TMCC3: variants seen among roughly 807,000 people sequenced by gnomAD.
TMCC3 encodes transmembrane and coiled-coil domain protein 3.
In TMCC3, 28 loss-of-function variants were observed where a neutral mutation model predicts 40.2. That is an observed-to-expected ratio of 0.70 (90% confidence interval 0.52 to 0.95). The LOEUF (loss-of-function observed/expected upper bound fraction) is 0.95, where lower values mean the gene tolerates loss of function less well. TMCC3 is among the 40% of genes least tolerant of loss of function. The pLI, the probability that TMCC3 is intolerant of heterozygous loss-of-function variation, is 0.00. For synonymous variants in TMCC3, 255 were observed against 248.5 expected, an observed-to-expected ratio of 1.03 and a Z score of -0.25; for missense variants, 554 against 615.2, an observed-to-expected ratio of 0.90 and a Z score of 1.05.
chr12:94,587,451 CAG>C (rs1454404070), intron 1 of TMCC3, among the ~76,000 whole-genome samples: 4 of 152,202 alleles, frequency 2.6e-5, no homozygotes, highest in African/African-American at 9.7e-5. Flanking sequence ...GCTCCGGAAA[CAG>C]ACTGCTTTGG....
intron 3 of TMCC3, among the ~76,000 whole-genome samples, chr12:94,576,069 C>T (rs1161147235): frequency 6.6e-6 from 1 of 152,198 alleles, no homozygotes; most frequent in Non-Finnish European, 1.5e-5. Flanking sequence ...TGAGCCACTG[C>T]ACTCGGCCCA....
chr12:94,622,605 C>T (rs1455610786), intron 1 of TMCC3, among the ~76,000 whole-genome samples: 4 of 152,062 alleles, frequency 2.6e-5, no homozygotes, highest in Admixed American at 2.6e-4. Flanking sequence ...CTCAGGAAAC[C>T]TTTCTAGTCC....
intron 1 of TMCC3, among the ~76,000 whole-genome samples, chr12:94,617,267 C>T (rs767635131): frequency 7.2e-5 from 11 of 152,218 alleles, no homozygotes; most frequent in Non-Finnish European, 1.6e-4. Context: ...GGAAACAGCA[C>T]TGGAGCCCAT....
intron 1 of TMCC3, among the ~76,000 whole-genome samples, chr12:94,636,684 G>T (rs1451885238): frequency 6.6e-6 from 1 of 152,234 alleles, no homozygotes; most frequent in African/African-American, 2.4e-5. Context: ...GGATCTAGAA[G>T]TAAAAGACAA....
chr12:94,571,379 CAG>C lies in TMCC3; in HGVS notation c.*54_*55del. The C allele has an allele frequency of 2.6e-6, 4 of 1,568,432 alleles. No individual in the cohort carries two copies. Among genetic ancestry groups the C allele is most frequent in the Non-Finnish European group, 2.6e-6 (3 of 1,153,204 alleles). On this transcript the variant is annotated 3_prime_UTR_variant, in exon 4 of 4. Transcript: ENST00000261226. Reference sequence around the variant, plus strand: ...TCACTGTAAAATTTGGTAGTATGCACAGAGTTTTCTTTAAAATAAAAACTTGA... The same window carrying C: ...TCACTGTAAAATTTGGTAGTATGCACAGTTTTCTTTAAAATAAAAACTTGA...
intron 1 of TMCC3, among the ~76,000 whole-genome samples, chr12:94,598,184 C>G (rs968476490): frequency 6.6e-6 from 1 of 152,200 alleles, no homozygotes; most frequent in Non-Finnish European, 1.5e-5. Flanking sequence ...AGAAAAGTGA[C>G]TTACTAGGAC....
chr12:94,644,140 C>T (rs998334233), intron 1 of TMCC3, among the ~76,000 whole-genome samples: 3 of 152,168 alleles, frequency 2.0e-5, no homozygotes, highest in African/African-American at 7.2e-5. Context: ...TCAGGCAGCA[C>T]CCCTCCCAAG....
rs186457251 is a variant in TMCC3, at chr12:94,631,105, A to T, written c.78+19248T>A. On this transcript the variant is annotated intron_variant, in intron 1 of 3. Transcript: ENST00000261226. Reference sequence around the variant, plus strand: ...ACATGTCAAAAAATATATTTTTATAACATTGATGGTTTTACTTCTGAAACA... The same window carrying T: ...ACATGTCAAAAAATATATTTTTATATCATTGATGGTTTTACTTCTGAAACA... Among the ~76,000 whole-genome samples the T allele has an allele frequency of 1.8e-3, 275 of 152,342 alleles. 3 individuals carry two copies. Among genetic ancestry groups the T allele is most frequent in the African/African-American group, 6.3e-3 (264 of 41,582 alleles).
intron 1 of TMCC3, among the ~76,000 whole-genome samples, chr12:94,637,988 G>A (rs751660798): frequency 2.6e-5 from 4 of 152,190 alleles, no homozygotes; most frequent in Non-Finnish European, 5.9e-5. Context: ...GTACCCACAG[G>A]CACAGAGGGA....
intron 1 of TMCC3, among the ~76,000 whole-genome samples, chr12:94,583,860 C>T (rs2068622020): frequency 6.6e-6 from 1 of 152,208 alleles, no homozygotes; most frequent in African/African-American, 2.4e-5. Flanking sequence ...TGAAAAACAG[C>T]TCTTTGTAGA....
chr12:94,591,075 C>A, intron 1 of TMCC3: 1 of 509,632 alleles, frequency 2.0e-6, no homozygotes, highest in South Asian at 1.5e-5. Flanking sequence ...TTCCAATGCT[C>A]TTTGTCCTGG....
intron 1 of TMCC3, among the ~76,000 whole-genome samples, chr12:94,634,919 AT>A (rs1191771447): frequency 6.6e-6 from 1 of 152,262 alleles, no homozygotes; most frequent in Non-Finnish European, 1.5e-5. Flanking sequence ...ATGAAAGCAC[AT>A]GTAAATAGCA....
In TMCC3 at chr12:94,567,209, T is replaced by A. The variant is rs551900028; in HGVS notation, c.*4226A>T. On this transcript the variant is annotated 3_prime_UTR_variant, in exon 4 of 4. Coordinates refer to ENST00000261226, the MANE Select transcript of TMCC3 (RefSeq NM_020698.4). ...AAAAATAATGGCACCTGCTTTGGAT[T>A]CATTGATGACACCACAATGGGGTGA... is the stretch of plus-strand genomic sequence containing the variant. 1.2e-3 allele frequency: 182 copies of A among 152,362 alleles called. No individual in the cohort carries two copies. The highest frequency in any genetic ancestry group is 4.3e-3 in the African/African-American group (179 of 41,586). The allele number at this position is 152,362 out of a possible 1,614,324, so 9.4% of individuals were successfully genotyped here.
At chr12:94,594,232 C>CACACACACAGAGAGAG (rs1446763750) in intron 1 of TMCC3, among the ~76,000 whole-genome samples, 3 of 147,812 alleles carry the variant, frequency 2.0e-5, no homozygotes, top group African/African-American at 7.9e-5. Context: ...CACACACACA[C>CACACACACAGAGAGAG]AGAGTGAGAG....
In TMCC3 at chr12:94,567,917, G is replaced by A. The variant is rs1203526267; in HGVS notation, c.*3518C>T. The A allele has an allele frequency of 6.6e-6, 1 of 152,168 alleles. No individual in the cohort carries two copies. Among genetic ancestry groups the A allele is most frequent in the Non-Finnish European group, 1.5e-5 (1 of 68,026 alleles). The allele number at this position is 152,168 out of a possible 1,614,324, so 9.4% of individuals were successfully genotyped here. A position where few individuals can be genotyped will look rare whatever the true frequency, so the allele number is the denominator to read the frequency against. On this transcript the variant is annotated 3_prime_UTR_variant, in exon 4 of 4. Coordinates refer to ENST00000261226, the MANE Select transcript of TMCC3 (RefSeq NM_020698.4). ...AGACAAAAGTAATTAGTTGCCTGAGGGAAGCTAGTTCCTCATTATTACTGA... is the reference window on the plus strand; with the variant it reads ...AGACAAAAGTAATTAGTTGCCTGAGAGAAGCTAGTTCCTCATTATTACTGA...
chr12:94,598,615 C>T lies in TMCC3; in HGVS notation c.79-16077G>A, dbSNP rs532595814. 18 of 985,396 alleles carry T rather than the reference C, an allele frequency of 1.8e-5. No individual in the cohort carries two copies. In the African/African-American group the frequency reaches 3.0e-4, roughly 16 times the overall value. 61.0% of individuals were successfully genotyped at this position (985,396 alleles called of 1,614,324 possible). On this transcript the variant is annotated intron_variant, in intron 1 of 3. Coordinates refer to ENST00000261226, the MANE Select transcript of TMCC3 (RefSeq NM_020698.4). ...TACCCACTACCAAAGATCCTCAAGG[C>T]CAGCTTATACATAAACTCCCTCTTT... is the stretch of plus-strand genomic sequence containing the variant.
chr12:94,640,171 TGCTAAC>T (rs2068981890), intron 1 of TMCC3, among the ~76,000 whole-genome samples: 1 of 152,188 alleles, frequency 6.6e-6, no homozygotes, highest in African/African-American at 2.4e-5. Context: ...CTCCAACACT[TGCTAAC>T]TAGTTTTGTT....
chr12:94,609,235 T>TA (rs1464877842), intron 1 of TMCC3, among the ~76,000 whole-genome samples: 1 of 151,318 alleles, frequency 6.6e-6, no homozygotes, highest in Non-Finnish European at 1.5e-5. Flanking sequence ...TCTCCAAAAT[T>TA]AAAAAAAGAA....
At chr12:94,581,523 T>C (rs1314036652) in intron 2 of TMCC3, 99 bp downstream of exon 2, 1 of 803,810 alleles carries the variant, frequency 1.2e-6, no homozygotes, top group Non-Finnish European at 1.7e-6. Context: ...GTATCCGTGG[T>C]AATAAAAAAG....
Sources: allele counts gnomAD v4.1 joint callset (sites outside exome capture counted in the v4.1 genomes callset), GRCh38; gene constraint gnomAD v4.1.1; transcripts MANE v1.5; gene names NCBI Gene and HGNC (gene_info 2026-07-23, HGNC 2026-07-21).